Variants in DNAH10 observed in about 807,000 individuals in gnomAD.
The protein encoded by DNAH10 is dynein axonemal heavy chain 10, also known as axonemal beta dynein heavy chain 10.
Under a neutral mutation model 506.6 loss-of-function variants are expected in DNAH10, and 348 were observed. The ratio of observed to expected loss-of-function variants is 0.69; its 90% CI spans 0.63 to 0.75. DNAH10 has a LOEUF of 0.75. Ranked by LOEUF, DNAH10 falls within the 30% of genes least tolerant of loss-of-function variation. The probability of loss-of-function intolerance (pLI) is 0.00; values close to 1 mark genes in which losing one functional copy is unlikely to be tolerated. For missense variants in DNAH10, 5,179 were observed against 5,787.1 expected, an observed-to-expected ratio of 0.89 and a Z score of 3.41; for synonymous variants, 2,059 against 2,198.6, an observed-to-expected ratio of 0.94 and a Z score of 1.78.
chr12:123,867,681 A>C, intron 42 of DNAH10, 80 bp downstream of exon 42: 1 of 1,577,114 alleles, frequency 6.3e-7, no homozygotes, highest in Non-Finnish European at 8.6e-7. Flanking sequence ...AAGGGAGTGA[A>C]GATGCCAGAC....
intron 71 of DNAH10, 30 bp downstream of exon 71, chr12:123,929,514 G>C (rs774704444): frequency 3.1e-6 from 5 of 1,602,050 alleles, no homozygotes; most frequent in Non-Finnish European, 4.3e-6. Context: ...CTTGGAAATG[G>C]CTTCCTTAGG....
At chr12:123,808,000 CGGGAGG>C (rs1958775424) in intron 18 of DNAH10, among the ~76,000 whole-genome samples, 4 of 10,752 alleles carry the variant, frequency 3.7e-4, no homozygotes, top group African/African-American at 7.0e-4. Flanking sequence ...GAGAGAGAGA[CGGGAGG>C]AGGGAGAGGG....
Position 123,930,477 on chromosome 12 carries a change from G to T in DNAH10, c.12688G>T (p.Asp4230Tyr), listed in dbSNP as rs923243705. ...LTIYMDEYLG[D>Y]FIFDTFQPFH... The stretch of plus-strand genomic sequence containing the variant: ...CATCTACATGGATGAGTACCTGGGG[G>T]ACTTCATTTTTGATACTTTCCAGCC... The change falls in exon 73 of 79, where the codon GAC (aspartate) becomes TAC (tyrosine). Residue 4230 changes from aspartate to tyrosine, a missense_variant. Around this residue, in one of 3 missense-constraint regions of DNAH10, gnomAD observed 4,844 missense variants for 5,430.5 expected, o/e 0.89. Coordinates refer to ENST00000673944, the MANE Select transcript of DNAH10 (RefSeq NM_001372106.1). 1 of 1,611,514 alleles carries T rather than the reference G, an allele frequency of 6.2e-7. No homozygotes were observed. The highest frequency in any genetic ancestry group is 8.5e-7 in the Non-Finnish European group (1 of 1,179,118).
rs1246635328 is a variant in DNAH10, at chr12:123,850,535, T to C, written c.6103-353T>C. Among the ~76,000 whole-genome samples the C allele has an allele frequency of 6.6e-6, 1 of 152,204 alleles. No homozygotes were observed. Among genetic ancestry groups the C allele is most frequent in the African/African-American group, 2.4e-5 (1 of 41,462 alleles). On this transcript the variant is annotated intron_variant, in intron 34 of 78. Transcript: ENST00000673944. This position sits in a 1 kb window ranked among gnomAD's most constrained non-coding sequence, Gnocchi z 5.5. ...CGTGCCACGAGGTGGGTTGCATTTC[T>C]GTTGTGCAGAAAAATAAACTGAGAC...
chr12:123,934,948 CTGTA>C (rs1395290700), intron 78 of DNAH10, 182 bp downstream of exon 78: 20 of 788,690 alleles, frequency 2.5e-5, no homozygotes, highest in South Asian at 2.4e-4. Flanking sequence ...AAAGGCGCGG[CTGTA>C]TGTGTGTGTG....
intron 57 of DNAH10, among the ~76,000 whole-genome samples, chr12:123,906,250 T>C (rs1953775280): frequency 6.7e-6 from 1 of 148,904 alleles, no homozygotes; most frequent in Non-Finnish European, 1.5e-5. Flanking sequence ...TTTTTTTAAA[T>C]TTATTTTTTG....
At chr12:123,849,150 A>C (rs1951068198) in intron 34 of DNAH10, among the ~76,000 whole-genome samples, 2 of 152,220 alleles carry the variant, frequency 1.3e-5, no homozygotes. Flanking sequence ...TTCTCAAATA[A>C]GTGATGTGCA....
chr12:123,816,909 A>G (rs1394208856), intron 21 of DNAH10, among the ~76,000 whole-genome samples: 1 of 152,196 alleles, frequency 6.6e-6, no homozygotes, highest in East Asian at 1.9e-4. Flanking sequence ...ACCAGCACGA[A>G]TAAGGGTTTC....
Position 123,857,197 on chromosome 12 carries a change from G to A in DNAH10, c.6580G>A (p.Ala2194Thr). The change falls in exon 37 of 79, where the codon GCG becomes ACG. Residue 2194 changes from alanine to threonine, a missense_variant. Ala to Thr is a moderately conservative substitution (Grantham distance 58, BLOSUM62 0). Transcript: ENST00000673944. ...CGTCCGCTACCCTGACTTCAACGAT[G>A]CGGTAGAGCAGGTCCTGGAGGAGAA... ...PRVRYPDFNDAVEQVLEENGY... is the reference protein window; with the variant it reads ...PRVRYPDFNDTVEQVLEENGY... 1 of 1,609,006 alleles carries A rather than the reference G, an allele frequency of 6.2e-7. No individual in the cohort carries two copies. Among genetic ancestry groups the A allele is most frequent in the Non-Finnish European group, 8.5e-7 (1 of 1,177,632 alleles).
In DNAH10 at chr12:123,881,788, T is replaced by G. The variant is rs912589669; in HGVS notation, c.8798T>G (p.Leu2933Arg). The part of the protein sequence containing the change: ...GGSGKQSLSR[L>R]AAFTASCEVF... ...TCAGGGAAGCAGTCTCTTTCGAGGCTGGCTGCCTTCACAGCCAGCTGTGAG... is the reference window on the plus strand; with the variant it reads ...TCAGGGAAGCAGTCTCTTTCGAGGCGGGCTGCCTTCACAGCCAGCTGTGAG... Residue 2933 changes from leucine to arginine, a missense_variant, in exon 51 of 79, where the codon CTG (leucine) becomes CGG (arginine). Coordinates refer to ENST00000673944, the MANE Select transcript of DNAH10 (RefSeq NM_001372106.1). The G allele has an allele frequency of 6.6e-7, 1 of 1,516,520 alleles. No individual in the cohort carries two copies. Among genetic ancestry groups the G allele is most frequent in the African/African-American group, 1.4e-5 (1 of 70,996 alleles). The allele number at this position is 1,516,520 out of a possible 1,614,324, so 93.9% of individuals were successfully genotyped here. A position where few individuals can be genotyped will look rare whatever the true frequency, so the allele number is the denominator to read the frequency against.
intron 28 of DNAH10, among the ~76,000 whole-genome samples, 197 bp from the exon 29 acceptor site, chr12:123,838,259 A>C (rs532514229): frequency 3.0e-4 from 45 of 152,330 alleles, no homozygotes; most frequent in Non-Finnish European, 4.9e-4. Flanking sequence ...AGTTACATGT[A>C]GTACATTAGA....
At chr12:123,890,165 G>A (rs1187267196) in intron 52 of DNAH10, among the ~76,000 whole-genome samples, 1 of 152,232 alleles carries the variant, frequency 6.6e-6, no homozygotes, top group Non-Finnish European at 1.5e-5. Context: ...ACGAGGTGGA[G>A]GGGTTCTATG....
chr12:123,914,804 T>G lies in DNAH10; in HGVS notation c.10575-48T>G, dbSNP rs753771443. ...AGTCCTACCACCCTTAGCCCTTGGC[T>G]CACAAATTGGTGAGAAAAATTCATT... is the stretch of plus-strand genomic sequence containing the variant. On this transcript the variant is annotated intron_variant, in intron 61 of 78. Coordinates refer to ENST00000673944, the MANE Select transcript of DNAH10 (RefSeq NM_001372106.1). 4 of 1,597,588 alleles carry G rather than the reference T, an allele frequency of 2.5e-6. No homozygotes were observed. In the South Asian group the frequency reaches 4.6e-5, roughly 18 times the overall value.
intron 57 of DNAH10, among the ~76,000 whole-genome samples, chr12:123,904,229 G>T (rs1953668746): frequency 6.6e-6 from 1 of 152,206 alleles, no homozygotes; most frequent in Admixed American, 6.5e-5. Flanking sequence ...TGAGGATGGT[G>T]TCAAGGAGGG....
At chr12:123,893,589 C>T (rs1341437681) in intron 53 of DNAH10, among the ~76,000 whole-genome samples, 153 bp downstream of exon 53, 2 of 152,206 alleles carry the variant, frequency 1.3e-5, no homozygotes, top group Non-Finnish European at 2.9e-5. Flanking sequence ...GCTTGGGGCT[C>T]ACTGCCCCTT....
rs1335183174 is a variant in DNAH10 at position 123,925,085 on chromosome 12, C to T, written c.11802C>T (p.Val3934=). The T allele has an allele frequency of 6.2e-7, 1 of 1,614,002 alleles. No homozygotes were observed. The highest frequency in any genetic ancestry group is 8.5e-7 in the Non-Finnish European group (1 of 1,179,888). The change falls in exon 68 of 79, where the codon GTC becomes GTT. Residue 3934 remains valine, a synonymous_variant. Transcript: ENST00000673944. The surrounding 1 kb of genome is among the most constrained non-coding windows in gnomAD (Gnocchi z 4.0). ...TGGATTCACTGGAGCAGTTTCCCGT[C>T]CCCTTGGGTTACGATAACAACATCA... The part of the protein sequence containing the change: ...YDLDSLEQFP[V]PLGYDNNITP...
rs1421143944 is a variant in DNAH10, at chr12:123,925,372, G to T, written c.11921+168G>T. The T allele has an allele frequency of 3.2e-6, 3 of 932,098 alleles. No homozygotes were observed. Among genetic ancestry groups the T allele is most frequent in the Non-Finnish European group, 4.7e-6 (3 of 641,164 alleles). 57.7% of individuals were successfully genotyped at this position (932,098 alleles called of 1,614,324 possible). On this transcript the variant is annotated intron_variant, in intron 68 of 78. Coordinates refer to ENST00000673944, the MANE Select transcript of DNAH10 (RefSeq NM_001372106.1). The surrounding 1 kb of genome is among the most constrained non-coding windows in gnomAD (Gnocchi z 4.0). ...TATTCTAGAATTCTTCAATATTCTA[G>T]AACAGTGCTAGTCATAAGAAATTCA... is the stretch of plus-strand genomic sequence containing the variant.
chr12:123,861,535 G>A (rs1951611882), intron 39 of DNAH10, among the ~76,000 whole-genome samples: 1 of 152,190 alleles, frequency 6.6e-6, no homozygotes, highest in Non-Finnish European at 1.5e-5. Context: ...ACGTTCTATG[G>A]CAAGGTAAGT....
intron 29 of DNAH10, among the ~76,000 whole-genome samples, chr12:123,839,469 G>A (rs1006401538): frequency 1.3e-5 from 2 of 152,044 alleles, no homozygotes; most frequent in African/African-American, 4.8e-5. Context: ...AAAATGAAAT[G>A]AGTTACTATT....
Sources: allele counts gnomAD v4.1 joint callset (sites outside exome capture counted in the v4.1 genomes callset), GRCh38; gene constraint gnomAD v4.1.1; regional missense constraint gnomAD v4.1.1; non-coding constraint Gnocchi (gnomAD v3.1); transcripts MANE v1.5; gene names NCBI Gene and HGNC (gene_info 2026-07-23, HGNC 2026-07-21).